PCDHGB7: variants seen among roughly 807,000 people sequenced by gnomAD.
PCDHGB7 encodes the protein protocadherin gamma subfamily B, 7, also known as protocadherin gamma-B7.
Under a neutral mutation model 61.4 loss-of-function variants are expected in PCDHGB7, and 37 were observed. That is an observed-to-expected ratio of 0.60 (90% confidence interval 0.46 to 0.79). The LOEUF is 0.79. Among genes scored for constraint, PCDHGB7 ranks in the 30% least tolerant of loss-of-function variants. PCDHGB7 has a pLI of 0.00. For missense variants in PCDHGB7, 1,166 were observed against 1,202.5 expected (o/e 0.97, Z 0.45); for synonymous variants, 464 against 503.5 (o/e 0.92, Z 1.05).
At chr5:141,450,565 C>T (rs1024229182) in intron 1 of PCDHGB7, among the ~76,000 whole-genome samples, 2 of 152,016 alleles carry the variant, frequency 1.3e-5, no homozygotes, top group Non-Finnish European at 2.9e-5. Context: ...CGGCTCACTG[C>T]AACTTCTGCC....
chr5:141,487,633 T>C lies in PCDHGB7; in HGVS notation c.2416-7174T>C. On this transcript the variant is annotated intron_variant, in intron 1 of 3. Transcript: ENST00000398594. The surrounding 1 kb of genome is among the most constrained non-coding windows in gnomAD (Gnocchi z 5.0). ...GGCTAGAGGTGAGACCTTTGCAGGCTCAACAAATGCTTGAGGGTTATTCTG... is the reference window on the plus strand; with the variant it reads ...GGCTAGAGGTGAGACCTTTGCAGGCCCAACAAATGCTTGAGGGTTATTCTG... 3 of 1,614,164 alleles carry C rather than the reference T, an allele frequency of 1.9e-6. No individual in the cohort carries two copies. The highest frequency in any genetic ancestry group is 2.7e-5 in the African/African-American group (2 of 75,052).
chr5:141,421,709 C>T, intron 1 of PCDHGB7: 1 of 1,613,926 alleles, frequency 6.2e-7, no homozygotes, highest in Non-Finnish European at 8.5e-7. Flanking sequence ...GCTAGGGATC[C>T]AGATGTGGGC....
At chr5:141,441,782 G>T in intron 1 of PCDHGB7, 1 of 391,086 alleles carries the variant, frequency 2.6e-6, no homozygotes, top group East Asian at 8.8e-5. Context: ...TGGACGACCT[G>T]AATGACAACG....
intron 1 of PCDHGB7, among the ~76,000 whole-genome samples, chr5:141,445,320 A>G (rs1462989860): frequency 1.3e-5 from 2 of 152,188 alleles, no homozygotes; most frequent in Non-Finnish European, 2.9e-5. Flanking sequence ...GGTTGAGAGA[A>G]CCCATCCAGA....
rs72790062 is a variant in PCDHGB7, at chr5:141,476,031, C to A, written c.2416-18776C>A. On this transcript the variant is annotated intron_variant, in intron 1 of 3. Coordinates refer to ENST00000398594, the MANE Select transcript of PCDHGB7 (RefSeq NM_018927.4). The surrounding 1 kb of genome is among the most constrained non-coding windows in gnomAD (Gnocchi z 7.6). Reference sequence around the variant, plus strand: ...AAGCCATGTCGGACTCGGCGCCCAGCGCCCAAGCGCTAACCCGCTGAAAGT... The same window carrying A: ...AAGCCATGTCGGACTCGGCGCCCAGAGCCCAAGCGCTAACCCGCTGAAAGT... 6.9e-6 allele frequency: 10 copies of A among 1,457,214 alleles called. No homozygotes were observed. The highest frequency in any genetic ancestry group is 9.1e-6 in the Non-Finnish European group (10 of 1,094,860). 90.3% of individuals were successfully genotyped at this position (1,457,214 alleles called of 1,614,324 possible).
intron 1 of PCDHGB7, among the ~76,000 whole-genome samples, chr5:141,429,880 G>A (rs1209368869): frequency 6.6e-6 from 1 of 152,104 alleles, no homozygotes; most frequent in Non-Finnish European, 1.5e-5. Context: ...CTTTTACTAA[G>A]TTTCCTGAAC....
chr5:141,427,871 G>T, intron 1 of PCDHGB7: 1 of 1,559,532 alleles, frequency 6.4e-7, no homozygotes, highest in Non-Finnish European at 8.8e-7. Flanking sequence ...TCGAGCTCAC[G>T]ATGCAGGCCC....
rs144585584 is a variant in PCDHGB7 at position 141,478,339 on chromosome 5, C to T, written c.2416-16468C>T. 998 of 1,613,918 alleles carry T rather than the reference C, an allele frequency of 6.2e-4. 16 individuals carry two copies. In the East Asian group the frequency reaches 0.019, roughly 31 times the overall value. Reference sequence around the variant, plus strand: ...CACTGTACCGAACACCAGGGCCCTCCTTGCACGCGGACGCCGTGCGGGGAG... The same window carrying T: ...CACTGTACCGAACACCAGGGCCCTCTTTGCACGCGGACGCCGTGCGGGGAG... On this transcript the variant is annotated intron_variant, in intron 1 of 3. Transcript: ENST00000398594.
chr5:141,433,671 A>G (rs1376085577), intron 1 of PCDHGB7, among the ~76,000 whole-genome samples: 12 of 152,058 alleles, frequency 7.9e-5, no homozygotes, highest in Admixed American at 7.2e-4. Flanking sequence ...CCCCGTCTAT[A>G]CTAAAAAAAT....
intron 1 of PCDHGB7, chr5:141,428,269 C>T (rs1326212294): frequency 1.3e-6 from 1 of 777,738 alleles, no homozygotes; most frequent in Non-Finnish European, 2.2e-6. Flanking sequence ...CAGTCCTGTG[C>T]CCTCTGATTC....
At chr5:141,452,895 A>G (rs527695680) in intron 1 of PCDHGB7, among the ~76,000 whole-genome samples, 16 of 152,312 alleles carry the variant, frequency 1.1e-4, no homozygotes, top group African/African-American at 3.6e-4. Flanking sequence ...TTCCACTTTT[A>G]TTAGTTGGCA....
At chr5:141,510,404 G>T (rs1596286932) in intron 3 of PCDHGB7, among the ~76,000 whole-genome samples, 2 of 152,252 alleles carry the variant, frequency 1.3e-5, no homozygotes, top group East Asian at 3.9e-4. Context: ...AAAGGCTAGG[G>T]GCATGTAAAG....
rs2099624335 is a variant in PCDHGB7 at position 141,486,093 on chromosome 5, C to T, written c.2416-8714C>T. On this transcript the variant is annotated intron_variant, in intron 1 of 3. Coordinates refer to ENST00000398594, the MANE Select transcript of PCDHGB7 (RefSeq NM_018927.4). This position sits in a 1 kb window ranked among gnomAD's most constrained non-coding sequence, Gnocchi z 5.0. ...ACTGGAAAGCTTACTCTTTTGGGGC[C>T]CCTAGACTTTGAGAGTGAGAATTAC... 1 of 1,614,112 alleles carries T rather than the reference C, an allele frequency of 6.2e-7. No homozygotes were observed. The highest frequency in any genetic ancestry group is 8.5e-7 in the Non-Finnish European group (1 of 1,180,008).
intron 1 of PCDHGB7, among the ~76,000 whole-genome samples, chr5:141,469,207 G>T (rs2099193654): frequency 6.6e-6 from 1 of 151,820 alleles, no homozygotes; most frequent in African/African-American, 2.4e-5. Flanking sequence ...GCCTTTTGAA[G>T]TTGAGGCTTC....
intron 1 of PCDHGB7, among the ~76,000 whole-genome samples, chr5:141,480,451 T>G (rs2099519323): frequency 6.6e-6 from 1 of 152,136 alleles, no homozygotes; most frequent in African/African-American, 2.4e-5. Flanking sequence ...ATAATTATTT[T>G]TATTAGTTCC....
rs758013542 is a variant in PCDHGB7 at position 141,418,314 on chromosome 5, C to A, written c.455C>A (p.Thr152Lys). 9 of 1,613,988 alleles carry A rather than the reference C, an allele frequency of 5.6e-6. No homozygotes were observed. In the East Asian group the frequency reaches 1.3e-4, roughly 24 times the overall value. Residue 152 changes from threonine to lysine, a missense_variant, in exon 1 of 4, where the codon ACA (threonine) becomes AAA (lysine). By Grantham distance (78) the Thr-to-Lys change is moderately conservative (BLOSUM62 -1). Coordinates refer to ENST00000398594, the MANE Select transcript of PCDHGB7 (RefSeq NM_018927.4). ...ISESVSLGMG[T>K]ILESAEDPDI... is the part of the protein sequence containing the mutation. ...GAATCCGTCAGCCTGGGGATGGGAACAATTCTTGAGTCTGCAGAAGATCCT... is the reference window on the plus strand; with the variant it reads ...GAATCCGTCAGCCTGGGGATGGGAAAAATTCTTGAGTCTGCAGAAGATCCT...
intron 3 of PCDHGB7, 46 bp from the exon 4 acceptor site, chr5:141,510,901 A>G: frequency 1.9e-6 from 3 of 1,613,412 alleles, no homozygotes; most frequent in African/African-American, 2.7e-5. Flanking sequence ...GTGACTGTTG[A>G]GGACCCTAAG....
intron 1 of PCDHGB7, chr5:141,426,748 C>T: frequency 2.2e-6 from 1 of 455,172 alleles, no homozygotes; most frequent in African/African-American, 2.0e-5. Context: ...GGCCTGGAAT[C>T]TGCTATAGAT....
chr5:141,510,272 TAAA>T (rs546154379), intron 3 of PCDHGB7, among the ~76,000 whole-genome samples: 2 of 130,370 alleles, frequency 1.5e-5, no homozygotes, highest in Non-Finnish European at 3.3e-5. Context: ...GACTCCATCT[TAAA>T]AAAAAAAAAA....
Sources: gnomAD v4.1 joint callset for allele counts (sites outside exome capture counted in the v4.1 genomes callset) on GRCh38, gnomAD v4.1.1 for gene constraint, Gnocchi (gnomAD v3.1) non-coding constraint, MANE v1.5 for transcripts, NCBI Gene and HGNC (gene_info 2026-07-23, HGNC 2026-07-21) for gene names.